Variants in TMX4 observed in about 807,000 individuals in gnomAD.
The protein encoded by TMX4 is thioredoxin related transmembrane protein 4.
A neutral mutation model predicts 33.3 loss-of-function variants in TMX4; 23 were observed. The observed-to-expected ratio is 0.69, with a 90% CI of 0.50 to 0.98. The LOEUF is 0.98. TMX4 is among the 50% of genes least tolerant of loss of function. The pLI is 0.00. For synonymous variants in TMX4, 164 were observed against 161.5 expected (o/e 1.02, Z -0.12); for missense variants, 399 against 448.9 (o/e 0.89, Z 1.01).
Position 7,980,120 on chromosome 20 carries a change from C to T in TMX4, c.*2131G>A, listed in dbSNP as rs919841966. The T allele has an allele frequency of 5.3e-5, 8 of 152,210 alleles. No homozygotes were observed. The highest frequency in any genetic ancestry group is 3.4e-3 in the Middle Eastern group (1 of 294). 9.4% of individuals were successfully genotyped at this position (152,210 alleles called of 1,614,324 possible). ...CATTTGGGGTTTTGGATTGTTGGAA[C>T]GGAATGTTCAACCTGTACTATTTGG... On this transcript the variant is annotated 3_prime_UTR_variant, in exon 8 of 8. Coordinates refer to ENST00000246024, the MANE Select transcript of TMX4 (RefSeq NM_021156.4).
intron 6 of TMX4, among the ~76,000 whole-genome samples, chr20:7,985,214 G>A (rs950025672): frequency 6.7e-6 from 1 of 149,776 alleles, no homozygotes; most frequent in Non-Finnish European, 1.5e-5. Flanking sequence ...AACAGTTATA[G>A]AAAAGGCATT....
intron 5 of TMX4, among the ~76,000 whole-genome samples, chr20:7,992,441 C>A (rs2050659143): frequency 6.6e-6 from 1 of 152,194 alleles, no homozygotes. Flanking sequence ...CACTGGAGAT[C>A]ATCTACTCTT....
intron 3 of TMX4, 105 bp downstream of exon 3, chr20:8,001,391 C>G: frequency 8.5e-7 from 1 of 1,179,322 alleles, no homozygotes. Context: ...GTTTCCCTCA[C>G]ATGTTAAGCT....
intron 5 of TMX4, among the ~76,000 whole-genome samples, chr20:7,992,787 A>AT (rs1304098365): frequency 6.6e-6 from 1 of 152,206 alleles, no homozygotes; most frequent in Non-Finnish European, 1.5e-5. Context: ...GGAATCACTA[A>AT]TTCAGTAGGC....
intron 3 of TMX4, among the ~76,000 whole-genome samples, chr20:8,001,247 A>G (rs1410720478): frequency 6.6e-6 from 1 of 152,088 alleles, no homozygotes; most frequent in African/African-American, 2.4e-5. Context: ...ATTAAGAATT[A>G]CCCCACCTCT....
rs538379168 is a variant in TMX4 at position 7,990,203 on chromosome 20, G to A, written c.514-2814C>T. ...CCAGCTATTTGGGAGACTGGGGCAGGAGAATTGCTTGAACACGGTAGGCGG... is the reference window on the plus strand; with the variant it reads ...CCAGCTATTTGGGAGACTGGGGCAGAAGAATTGCTTGAACACGGTAGGCGG... On this transcript the variant is annotated intron_variant, in intron 5 of 7. Transcript: ENST00000246024. Among the ~76,000 whole-genome samples, 112 of 152,104 alleles carry A rather than the reference G, an allele frequency of 7.4e-4. 1 individual carries two copies. The Middle Eastern group carries it at 0.01, about 14-fold the overall frequency.
At chr20:7,992,258 G>A (rs1172554388) in intron 5 of TMX4, among the ~76,000 whole-genome samples, 2 of 152,136 alleles carry the variant, frequency 1.3e-5, no homozygotes, top group Non-Finnish European at 2.9e-5. Context: ...CATCTCCTAG[G>A]CCTCAGTGAC....
intron 1 of TMX4, among the ~76,000 whole-genome samples, chr20:8,015,303 T>C (rs2050770133): frequency 6.6e-6 from 1 of 152,194 alleles, no homozygotes; most frequent in African/African-American, 2.4e-5. Flanking sequence ...TTTGGAAGTA[T>C]GCACAGGGAA....
intron 3 of TMX4, 135 bp from the exon 4 acceptor site, chr20:7,999,995 A>G (rs2050697421): frequency 5.6e-6 from 5 of 889,846 alleles, no homozygotes; most frequent in Non-Finnish European, 8.2e-6. Flanking sequence ...AAAAATATAC[A>G]TAGAGATAAA....
At position 8,017,524 on chromosome 20, in the gene TMX4, G is replaced by A. The variant is rs535001193; in HGVS notation, c.176+1914C>T. 1.6e-4 allele frequency among the ~76,000 whole-genome samples: 25 copies of A among 152,246 alleles called. 1 individual carries two copies. In the East Asian group the frequency reaches 4.1e-3, roughly 25 times the overall value. On this transcript the variant is annotated intron_variant, in intron 1 of 7. Transcript: ENST00000246024. ...GTTGGCTCTCCCTCAAAAACTTATT[G>A]AGGCTTTAGTGTTCTTAATTCTATT...
Position 7,978,759 on chromosome 20 carries a change from T to C in TMX4, c.*3492A>G, listed in dbSNP as rs549370199. 1 of 152,324 alleles carries C rather than the reference T, an allele frequency of 6.6e-6. No individual in the cohort carries two copies. Among genetic ancestry groups the C allele is most frequent in the Non-Finnish European group, 1.5e-5 (1 of 68,034 alleles). The allele number at this position is 152,324 out of a possible 1,614,324, so 9.4% of individuals were successfully genotyped here. ...TGTCCCTCATCCCATCCAATGACTA[T>C]ACTTCAAAGGGAAAGAAAGATGTGG... On this transcript the variant is annotated 3_prime_UTR_variant, in exon 8 of 8. Coordinates refer to ENST00000246024, the MANE Select transcript of TMX4 (RefSeq NM_021156.4).
intron 3 of TMX4, among the ~76,000 whole-genome samples, chr20:8,001,041 A>G (rs188888608): frequency 1.2e-4 from 19 of 152,116 alleles, no homozygotes; most frequent in Non-Finnish European, 2.4e-4. Flanking sequence ...TACTTTCTTT[A>G]TCTTTCCCCT....
rs375851925 is a variant in TMX4, at chr20:7,982,238, C to T, written c.*13G>A. The T allele has an allele frequency of 1.1e-5, 17 of 1,605,754 alleles. No individual in the cohort carries two copies. Among genetic ancestry groups the T allele is most frequent in the Middle Eastern group, 3.3e-4 (2 of 6,038 alleles). ...TTGTTTTGGTGTGTATTCTTGAAAA[C>T]GCATCATTAAATCTACAGTCCCTTG... On this transcript the variant is annotated 3_prime_UTR_variant, in exon 8 of 8. Transcript: ENST00000246024.
chr20:8,004,364 A>G (rs1286704554), intron 2 of TMX4, among the ~76,000 whole-genome samples: 2 of 152,224 alleles, frequency 1.3e-5, no homozygotes, highest in African/African-American at 4.8e-5. Flanking sequence ...GAATTTGAAC[A>G]TCATAATAGC....
At chr20:8,011,137 G>A (rs906658397) in intron 1 of TMX4, among the ~76,000 whole-genome samples, 1 of 152,024 alleles carries the variant, frequency 6.6e-6, no homozygotes, top group Non-Finnish European at 1.5e-5. Flanking sequence ...CAACTTGTGG[G>A]TAAGCAGGCT....
Position 7,990,025 on chromosome 20 carries a change from G to A in TMX4, c.514-2636C>T, listed in dbSNP as rs904823596. On this transcript the variant is annotated intron_variant, in intron 5 of 7. Coordinates refer to ENST00000246024, the MANE Select transcript of TMX4 (RefSeq NM_021156.4). ...AAAGTATCTTACTCGGGCTGGGCGC[G>A]GTGGCTCACACCTGTAATCCCAGCA... Among the ~76,000 whole-genome samples the A allele has an allele frequency of 3.9e-5, 6 of 152,030 alleles. 1 individual carries two copies. The highest frequency in any genetic ancestry group is 4.1e-4 in the South Asian group (2 of 4,824).
intron 1 of TMX4, among the ~76,000 whole-genome samples, chr20:8,016,706 T>C (rs1016368717): frequency 6.6e-6 from 1 of 152,086 alleles, no homozygotes; most frequent in Admixed American, 6.5e-5. Context: ...ACGTGGCGTA[T>C]AAAAGAAAAA....
chr20:8,011,636 CA>C (rs1221653813), intron 1 of TMX4, among the ~76,000 whole-genome samples: 1 of 151,998 alleles, frequency 6.6e-6, no homozygotes, highest in Non-Finnish European at 1.5e-5. Context: ...ATTTATTTCA[CA>C]AAAAGTACTG....
chr20:7,994,539 T>C (rs2050668017), intron 5 of TMX4, among the ~76,000 whole-genome samples: 1 of 152,224 alleles, frequency 6.6e-6, no homozygotes, highest in South Asian at 2.1e-4. Context: ...CCATTATGTA[T>C]CTTCCCTGCT....
Sources: gnomAD v4.1 joint callset for allele counts (sites outside exome capture counted in the v4.1 genomes callset) on GRCh38, gnomAD v4.1.1 for gene constraint, MANE v1.5 for transcripts, NCBI Gene and HGNC (gene_info 2026-07-23, HGNC 2026-07-21) for gene names.